The following PIWIL3 variants were observed in gnomAD, a reference collection of about 807,000 sequenced individuals.
PIWIL3 encodes piwi-like protein 3.
PIWIL3 carries 101 observed loss-of-function variants against 109.7 expected under a neutral mutation model. The observed-to-expected ratio is 0.92, with a 90% CI of 0.78 to 1.09. PIWIL3 has a LOEUF of 1.09. Among genes scored for constraint, PIWIL3 ranks in the 50% least tolerant of loss-of-function variants. The pLI is 0.00. For synonymous variants in PIWIL3, 373 were observed against 376.4 expected (o/e 0.99, Z 0.10); for missense variants, 1,031 against 1,072.6 (o/e 0.96, Z 0.54).
rs1925878203 is a variant in PIWIL3, at chr22:24,767,644, T to C, written c.-22-5123A>G. Among the ~76,000 whole-genome samples, 2 of 151,088 alleles carry C rather than the reference T, an allele frequency of 1.3e-5. 1 individual carries two copies. Among genetic ancestry groups the C allele is most frequent in the South Asian group, 4.2e-4 (2 of 4,804 alleles). On this transcript the variant is annotated intron_variant, in intron 1 of 20. Transcript: ENST00000616349. ...ATAACTATAAAAGGTGTAACATGCA[T>C]AATGGGAATATCATAAGGAAAGAAA...
intron 1 of PIWIL3, among the ~76,000 whole-genome samples, chr22:24,768,025 G>C (rs78096049): frequency 0.076 from 11,607 of 152,134 alleles, 535 homozygotes; most frequent in African/African-American, 0.11. Flanking sequence ...AAGGTAAAAA[G>C]AGTGCTCACA....
rs773529973 is a variant in PIWIL3, at chr22:24,749,040, C to T, written c.1335-19G>A. 1 of 1,562,256 alleles carries T rather than the reference C, an allele frequency of 6.4e-7. No individual in the cohort carries two copies. The highest frequency in any genetic ancestry group is 8.8e-7 in the Non-Finnish European group (1 of 1,137,562). On this transcript the variant is annotated intron_variant, in intron 11 of 20. Transcript: ENST00000616349. ...TTTATTACTGAAAATTAAAATATTG[C>T]CAACATGATCAAACCAAATAAGTAA...
rs560070104 is a variant in PIWIL3 at position 24,752,682 on chromosome 22, CAT to C, written c.978-1186_978-1185del. Among the ~76,000 whole-genome samples, 17 of 152,242 alleles carry C rather than the reference CAT, an allele frequency of 1.1e-4. No homozygotes were observed. The East Asian group carries it at 2.1e-3, about 19-fold the overall frequency. The stretch of plus-strand genomic sequence containing the variant: ...GTTTTCCTTAGTGTGAGACAAACCT[CAT>C]ATATTTCCTCAAACGAGGCCACTTC... On this transcript the variant is annotated intron_variant, in intron 8 of 20. Transcript: ENST00000616349.
intron 12 of PIWIL3, among the ~76,000 whole-genome samples, chr22:24,736,098 C>A (rs1016200890): frequency 6.6e-6 from 1 of 152,054 alleles, no homozygotes; most frequent in African/African-American, 2.4e-5. Flanking sequence ...AATTGAGAGG[C>A]CATTGCAGGG....
chr22:24,724,830 C>T, intron 18 of PIWIL3, 57 bp downstream of exon 18: 1 of 1,554,430 alleles, frequency 6.4e-7, no homozygotes, highest in South Asian at 1.2e-5. Flanking sequence ...CCTTAACCTT[C>T]CAAAGTGCTG....
chr22:24,720,556 C>T (rs1184805369), intron 19 of PIWIL3, among the ~76,000 whole-genome samples: 1 of 152,124 alleles, frequency 6.6e-6, no homozygotes, highest in East Asian at 1.9e-4. Context: ...CAGGCATGAG[C>T]CACTGCGCCT....
At chr22:24,763,139 C>T (rs1925543329) in intron 1 of PIWIL3, among the ~76,000 whole-genome samples, 2 of 128,478 alleles carry the variant, frequency 1.6e-5, no homozygotes, top group South Asian at 5.5e-4. Flanking sequence ...CCTGGTAAAA[C>T]TTTTTTTTCT....
chr22:24,746,884 G>A (rs1421946691), intron 12 of PIWIL3, among the ~76,000 whole-genome samples: 1 of 152,052 alleles, frequency 6.6e-6, no homozygotes, highest in Non-Finnish European at 1.5e-5. Context: ...CCATGTTCAT[G>A]AATTAGAAGA....
chr22:24,754,379 T>TATTTATACC (rs796393623), intron 7 of PIWIL3, among the ~76,000 whole-genome samples, 162 bp from the exon 8 acceptor site: 39 of 152,390 alleles, frequency 2.6e-4, no homozygotes, highest in African/African-American at 9.4e-4. Context: ...TCAGATGTGC[T>TATTTATACC]ATTTTTGTTC....
At chr22:24,738,102 G>A (rs1393356917) in intron 12 of PIWIL3, among the ~76,000 whole-genome samples, 1 of 152,186 alleles carries the variant, frequency 6.6e-6, no homozygotes, top group Non-Finnish European at 1.5e-5. Context: ...AGTGAGCCAA[G>A]ATTGCACCAC....
At chr22:24,720,012 T>A in intron 19 of PIWIL3, 117 bp from the exon 20 acceptor site, 1 of 873,590 alleles carries the variant, frequency 1.1e-6, no homozygotes, top group Non-Finnish European at 1.6e-6. Context: ...TTCTATAGAT[T>A]AAGTTTCCTT....
At position 24,734,210 on chromosome 22, in the gene PIWIL3, C is replaced by T. The variant is rs574141729; in HGVS notation, c.1635-54G>A. The T allele has an allele frequency of 1.3e-4, 201 of 1,579,132 alleles. 4 individuals are homozygous for T. The South Asian group carries it at 2.0e-3, about 16-fold the overall frequency. Reference sequence around the variant, plus strand: ...AAAAGATACCAACCAGTGAAACAAACGTTTCACCCAGCAAATTAAATACAA... The same window carrying T: ...AAAAGATACCAACCAGTGAAACAAATGTTTCACCCAGCAAATTAAATACAA... On this transcript the variant is annotated intron_variant, in intron 13 of 20. Transcript: ENST00000616349.
At chr22:24,733,155 G>A (rs1923454047) in intron 14 of PIWIL3, among the ~76,000 whole-genome samples, 1 of 152,146 alleles carries the variant, frequency 6.6e-6, no homozygotes, top group Non-Finnish European at 1.5e-5. Flanking sequence ...GCAATTAAAA[G>A]AAGAAAGTCT....
At chr22:24,730,363 C>CAA (rs59306341) in intron 14 of PIWIL3, among the ~76,000 whole-genome samples, 12,097 of 93,062 alleles carry the variant, frequency 0.13, 1,420 homozygotes, top group East Asian at 0.37. Flanking sequence ...GACTCAGTCT[C>CAA]AAAAAAAAAA....
At chr22:24,728,802 T>G (rs1178383326) in intron 14 of PIWIL3, among the ~76,000 whole-genome samples, 1 of 152,154 alleles carries the variant, frequency 6.6e-6, no homozygotes, top group Non-Finnish European at 1.5e-5. Flanking sequence ...TTCCAGGAAC[T>G]TATCACCATG....
intron 2 of PIWIL3, chr22:24,761,890 C>T (rs2147719144): frequency 4.5e-6 from 4 of 896,060 alleles, no homozygotes; most frequent in Non-Finnish European, 5.3e-6. Context: ...TGGAAGGCAT[C>T]GTGCTACTTC....
intron 18 of PIWIL3, among the ~76,000 whole-genome samples, chr22:24,724,594 C>T (rs1922880622): frequency 6.6e-6 from 1 of 151,894 alleles, no homozygotes; most frequent in Non-Finnish European, 1.5e-5. Flanking sequence ...ACCACCACGC[C>T]CGGCTAATTT....
intron 12 of PIWIL3, among the ~76,000 whole-genome samples, chr22:24,737,626 A>G (rs1347673836): frequency 6.6e-6 from 1 of 152,216 alleles, no homozygotes; most frequent in Non-Finnish European, 1.5e-5. Context: ...AGTGGGGTAG[A>G]GCATCAAGCA....
chr22:24,768,893 TCA>T (rs1415744251), intron 1 of PIWIL3, among the ~76,000 whole-genome samples: 1 of 152,240 alleles, frequency 6.6e-6, no homozygotes, highest in African/African-American at 2.4e-5. Flanking sequence ...TGCTCCAGCC[TCA>T]GCCTTGGCCA....
Sources: gnomAD v4.1 joint callset for allele counts (sites outside exome capture counted in the v4.1 genomes callset) on GRCh38, gnomAD v4.1.1 for gene constraint, MANE v1.5 for transcripts, NCBI Gene and HGNC (gene_info 2026-07-23, HGNC 2026-07-21) for gene names.